Variants in CCDC201 observed in about 807,000 individuals in gnomAD.
CCDC201 encodes the protein coiled-coil domain containing 201.
At chr7:45,880,724 G>A in the CCDC201 span, among the ~76,000 whole-genome samples, 1 of 152,258 alleles carries the variant, frequency 6.6e-6, no homozygotes, top group African/African-American at 2.4e-5. Context: ...TGTCCTTAGT[G>A]CTTGCCGCCG....
intron 1 of CCDC201, among the ~76,000 whole-genome samples, chr7:45,871,852 C>T (rs937367171): frequency 2.0e-5 from 3 of 152,220 alleles, no homozygotes; most frequent in South Asian, 2.1e-4. Flanking sequence ...TTTTATCTAT[C>T]GGACTTCAAA....
chr7:45,877,275 T>C (rs768002037), upstream of CCDC201, among the ~76,000 whole-genome samples: 2 of 152,212 alleles, frequency 1.3e-5, no homozygotes, highest in Non-Finnish European at 2.9e-5. Context: ...AATATATTTT[T>C]GTGGAAACTC....
chr7:45,884,772 C>T, the CCDC201 span, among the ~76,000 whole-genome samples: 2 of 152,194 alleles, frequency 1.3e-5, no homozygotes, highest in Non-Finnish European at 2.9e-5. Flanking sequence ...TCTCTTCCCA[C>T]CTCACTTATC....
intron 1 of CCDC201, among the ~76,000 whole-genome samples, chr7:45,870,760 G>A (rs1269777445): frequency 3.9e-5 from 6 of 152,080 alleles, no homozygotes; most frequent in Admixed American, 3.9e-4. Context: ...GCTAGATCAC[G>A]GGGCGGGCGG....
the CCDC201 span, among the ~76,000 whole-genome samples, chr7:45,879,303 C>G: frequency 9.8e-5 from 15 of 152,298 alleles, no homozygotes; most frequent in Admixed American, 8.5e-4. Context: ...TGCCCCTTAC[C>G]CAGTTCCAAA....
chr7:45,873,582 C>T (rs977939518), upstream of CCDC201, among the ~76,000 whole-genome samples: 4 of 152,266 alleles, frequency 2.6e-5, no homozygotes, highest in East Asian at 5.8e-4. Flanking sequence ...ATTGGGCAGG[C>T]CTGGGCAGGG....
the CCDC201 span, among the ~76,000 whole-genome samples, chr7:45,884,101 C>CCTCT: frequency 5.3e-5 from 6 of 114,132 alleles, no homozygotes; most frequent in Non-Finnish European, 1.2e-4. Flanking sequence ...TTCTTTCTCT[C>CCTCT]CTCTCTCTCT....
At chr7:45,881,325 A>G in the CCDC201 span, among the ~76,000 whole-genome samples, 1,376 of 152,058 alleles carry the variant, frequency 9.0e-3, 12 homozygotes, top group Middle Eastern at 0.02. Context: ...TCTTCCCTCA[A>G]ATGTGTCCAT....
chr7:45,880,921 A>C, the CCDC201 span, among the ~76,000 whole-genome samples: 1 of 152,160 alleles, frequency 6.6e-6, no homozygotes, highest in Non-Finnish European at 1.5e-5. Flanking sequence ...TGATGGCCTC[A>C]CAAGCACATT....
chr7:45,879,603 G>C, the CCDC201 span, among the ~76,000 whole-genome samples: 1 of 152,134 alleles, frequency 6.6e-6, no homozygotes, highest in Non-Finnish European at 1.5e-5. Context: ...GCAGCATTAG[G>C]GGGATGGTGT....
chr7:45,869,471 C>T (rs570848355), intron 1 of CCDC201, among the ~76,000 whole-genome samples: 66 of 152,192 alleles, frequency 4.3e-4, no homozygotes, highest in Non-Finnish European at 7.8e-4. Context: ...ATCCCAAACC[C>T]GTCAGTCTTG....
At chr7:45,877,163 C>G (rs775607701), upstream of CCDC201, among the ~76,000 whole-genome samples, 1 of 152,204 alleles carries the variant, frequency 6.6e-6, no homozygotes, top group Non-Finnish European at 1.5e-5. Context: ...GTAAACTCAA[C>G]AACTTTTAGC....
At chr7:45,879,009 T>A in the CCDC201 span, among the ~76,000 whole-genome samples, 1 of 152,374 alleles carries the variant, frequency 6.6e-6, no homozygotes, top group Admixed American at 6.5e-5. Context: ...GCTTAGAAAT[T>A]TCTTCCAGCA....
the CCDC201 span, among the ~76,000 whole-genome samples, chr7:45,884,031 CT>C: frequency 1.4e-5 from 2 of 141,886 alleles, no homozygotes; most frequent in African/African-American, 5.2e-5. Flanking sequence ...CTCTTTCTTC[CT>C]TCCTTCCTTC....
chr7:45,882,314 G>A, the CCDC201 span, among the ~76,000 whole-genome samples: 3 of 152,192 alleles, frequency 2.0e-5, no homozygotes, highest in East Asian at 1.9e-4. Flanking sequence ...ACGAGCCACC[G>A]TGCTGCTCAG....
upstream of CCDC201, among the ~76,000 whole-genome samples, chr7:45,876,889 C>T (rs79845681): frequency 5.6e-3 from 855 of 152,304 alleles, 13 homozygotes; most frequent in South Asian, 0.014. Context: ...CCTCTCACTG[C>T]GCAGGACACA....
rs1352482064 is a variant in CCDC201, at chr7:45,860,475, C to T, written c.*2610G>A. The stretch of plus-strand genomic sequence containing the variant: ...TCGCATACACAGTGAGAGTTAAGAT[C>T]TATTTTATCCCAAATAATTGCTGCA... On this transcript the variant is annotated 3_prime_UTR_variant, in exon 3 of 3. Transcript: ENST00000636578. 3.3e-5 allele frequency: 5 copies of T among 152,318 alleles called. No homozygotes were observed. In the East Asian group the frequency reaches 9.6e-4, roughly 29 times the overall value. 9.4% of individuals were successfully genotyped at this position (152,318 alleles called of 1,614,324 possible). A position where few individuals can be genotyped will look rare whatever the true frequency, so the allele number is the denominator to read the frequency against.
At chr7:45,860,397 G>T (rs1826839) in exon 3 of CCDC201, 2 of 151,948 alleles carry the variant, frequency 1.3e-5, no homozygotes, top group Non-Finnish European at 2.9e-5. Flanking sequence ...GCTTAGCTTG[G>T]GCTCAGGGGC....
upstream of CCDC201, among the ~76,000 whole-genome samples, chr7:45,873,940 T>TC (rs1554348143): frequency 4.4e-5 from 6 of 135,480 alleles, no homozygotes; most frequent in East Asian, 2.1e-4. Context: ...TTTTTTTTTT[T>TC]CAGACAGAAT....
Sources: allele counts gnomAD v4.1 joint callset (sites outside exome capture counted in the v4.1 genomes callset), GRCh38; gene constraint gnomAD v4.1.1; transcripts MANE v1.5; gene names NCBI Gene and HGNC (gene_info 2026-07-23, HGNC 2026-07-21).